Variants in TMEM272 observed in about 807,000 individuals in gnomAD.
The protein encoded by TMEM272 is long intergenic non-protein coding RNA 282.
A neutral mutation model predicts 3.7 loss-of-function variants in TMEM272; 8 were observed. The ratio of observed to expected loss-of-function variants is 2.17; its 90% CI spans 1.27 to 3.91. The LOEUF (loss-of-function observed/expected upper bound fraction) is 3.91. Ranked by LOEUF, TMEM272 falls within the 30% of genes most tolerant of loss-of-function variation. TMEM272 has a pLI of 0.00. For synonymous variants in TMEM272, 63 were observed against 39.8 expected, an observed-to-expected ratio of 1.58 and a Z score of -2.20; for missense variants, 166 against 91.5, an observed-to-expected ratio of 1.81 and a Z score of -3.32.
chr13:51,931,659 T>A, the TMEM272 span, among the ~76,000 whole-genome samples: 1 of 152,008 alleles, frequency 6.6e-6, no homozygotes, highest in Non-Finnish European at 1.5e-5. Flanking sequence ...AAAGAAAGAA[T>A]CTATCTTCTA....
the TMEM272 span, among the ~76,000 whole-genome samples, chr13:51,858,136 T>C: frequency 1.3e-5 from 2 of 152,048 alleles, no homozygotes; most frequent in Admixed American, 6.5e-5. Context: ...CTGGAAGAAA[T>C]AGATCTGCAA....
the TMEM272 span, among the ~76,000 whole-genome samples, chr13:51,857,305 A>T: frequency 3.9e-5 from 6 of 152,044 alleles, no homozygotes; most frequent in Non-Finnish European, 7.4e-5. Context: ...TCATCACAAG[A>T]CCCATACTAA....
At chr13:51,888,092 C>A in the TMEM272 span, among the ~76,000 whole-genome samples, 1 of 150,292 alleles carries the variant, frequency 6.7e-6, no homozygotes, top group African/African-American at 2.5e-5. Context: ...GTTGCCCAGG[C>A]TGGAGTGCAG....
At chr13:51,932,866 G>A in the TMEM272 span, 1 of 152,204 alleles carries the variant, frequency 6.6e-6, no homozygotes, top group South Asian at 2.1e-4. Flanking sequence ...AACAGAATTA[G>A]ATTCTTTAGA....
At chr13:51,917,334 C>T in the TMEM272 span, among the ~76,000 whole-genome samples, 1 of 152,104 alleles carries the variant, frequency 6.6e-6, no homozygotes, top group African/African-American at 2.4e-5. Flanking sequence ...TAGCTGGGGA[C>T]AAGGAGGAGT....
the TMEM272 span, among the ~76,000 whole-genome samples, chr13:51,873,156 A>G: frequency 6.6e-6 from 1 of 152,384 alleles, no homozygotes; most frequent in Non-Finnish European, 1.5e-5. Flanking sequence ...TAAAAGGAGA[A>G]TGAACATTGC....
chr13:51,871,957 T>G, the TMEM272 span, among the ~76,000 whole-genome samples: 1 of 151,894 alleles, frequency 6.6e-6, no homozygotes, highest in Non-Finnish European at 1.5e-5. Context: ...CCCAGGGAAT[T>G]TGACCAGCTC....
chr13:51,848,053 G>A (rs1230979809), upstream of TMEM272, among the ~76,000 whole-genome samples: 1 of 152,198 alleles, frequency 6.6e-6, no homozygotes, highest in African/African-American at 2.4e-5. Context: ...ATAAATGATA[G>A]TAATAATAGC....
the TMEM272 span, chr13:51,865,763 T>C: frequency 6.2e-7 from 1 of 1,614,156 alleles, no homozygotes; most frequent in Admixed American, 1.7e-5. Flanking sequence ...CCGCACTTTC[T>C]GGAAGGAGGA....
chr13:51,921,923 T>C, the TMEM272 span, among the ~76,000 whole-genome samples: 2 of 151,670 alleles, frequency 1.3e-5, no homozygotes, highest in Non-Finnish European at 1.5e-5. Context: ...TGTGTGTGTG[T>C]ATGTGTGTGT....
the TMEM272 span, among the ~76,000 whole-genome samples, chr13:51,851,343 C>CA: frequency 2.2e-3 from 312 of 139,364 alleles, no homozygotes; most frequent in Admixed American, 3.8e-3. Context: ...CCTCCGTAAC[C>CA]AAAAAAAAAG....
At chr13:51,876,158 C>T in the TMEM272 span, among the ~76,000 whole-genome samples, 5 of 152,222 alleles carry the variant, frequency 3.3e-5, no homozygotes, top group African/African-American at 1.2e-4. Flanking sequence ...GGAGGGTAAC[C>T]AGGAACCATT....
the TMEM272 span, among the ~76,000 whole-genome samples, chr13:51,894,776 G>A: frequency 6.6e-6 from 1 of 152,068 alleles, no homozygotes; most frequent in Non-Finnish European, 1.5e-5. Flanking sequence ...GATGATTCAA[G>A]TGCATTACAT....
At chr13:51,882,353 T>C in the TMEM272 span, among the ~76,000 whole-genome samples, 1 of 152,242 alleles carries the variant, frequency 6.6e-6, no homozygotes, top group Non-Finnish European at 1.5e-5. Context: ...GTATATGTTA[T>C]CCCCAGGTAT....
chr13:51,918,179 C>T, the TMEM272 span, among the ~76,000 whole-genome samples: 1 of 152,202 alleles, frequency 6.6e-6, no homozygotes, highest in Non-Finnish European at 1.5e-5. Flanking sequence ...CTCGAAGGCC[C>T]TCTGTGAACT....
the TMEM272 span, among the ~76,000 whole-genome samples, chr13:51,930,136 CCA>C: frequency 6.6e-6 from 1 of 151,928 alleles, no homozygotes; most frequent in African/African-American, 2.4e-5. Flanking sequence ...TTCCCCCCCC[CCA>C]CTTTCTATAT....
the TMEM272 span, among the ~76,000 whole-genome samples, chr13:51,864,597 T>C: frequency 6.6e-6 from 1 of 152,250 alleles, no homozygotes; most frequent in Non-Finnish European, 1.5e-5. Context: ...TATTCCACTC[T>C]ATTGGGATGG....
At chr13:51,829,231 A>G (rs779017389) in intron 2 of TMEM272, among the ~76,000 whole-genome samples, 1 of 152,244 alleles carries the variant, frequency 6.6e-6, no homozygotes, top group Non-Finnish European at 1.5e-5. Context: ...ATGCAATATT[A>G]AGATGAACGG....
the TMEM272 span, among the ~76,000 whole-genome samples, chr13:51,914,291 G>A: frequency 6.6e-6 from 1 of 152,196 alleles, no homozygotes; most frequent in South Asian, 2.1e-4. Flanking sequence ...GATGAGGTGG[G>A]TCATATTAAG....
Sources: allele counts gnomAD v4.1 joint callset (sites outside exome capture counted in the v4.1 genomes callset), GRCh38; gene constraint gnomAD v4.1.1; transcripts MANE v1.5; gene names NCBI Gene and HGNC (gene_info 2026-07-23, HGNC 2026-07-21).